The following CELF2 variants were observed in gnomAD, a reference collection of about 807,000 sequenced individuals.
CELF2 encodes the protein CUG triplet repeat RNA-binding protein 2.
A neutral mutation model predicts 62.6 loss-of-function variants in CELF2; 8 were observed. The observed-to-expected ratio is 0.13, with a 90% CI of 0.07 to 0.23. The LOEUF (loss-of-function observed/expected upper bound fraction) is 0.23, where lower values mean the gene tolerates loss of function less well. CELF2 is among the 10% of genes least tolerant of loss of function. The pLI is 1.00. For synonymous variants in CELF2, 258 were observed against 250.0 expected, an observed-to-expected ratio of 1.03 and a Z score of -0.30; for missense variants, 333 against 671.0, an observed-to-expected ratio of 0.50 and a Z score of 5.56.
the CELF2 span, among the ~76,000 whole-genome samples, chr10:10,528,065 C>A: frequency 6.6e-6 from 1 of 152,204 alleles, no homozygotes; most frequent in Non-Finnish European, 1.5e-5. Flanking sequence ...AGATGTCTAA[C>A]TCATCCTGCA....
At chr10:11,229,477 G>T (rs762047137) in intron 3 of CELF2, among the ~76,000 whole-genome samples, 4 of 152,168 alleles carry the variant, frequency 2.6e-5, no homozygotes, top group Non-Finnish European at 4.4e-5. Context: ...TAAAACCGGG[G>T]CAGTGATTCT....
chr10:11,026,894 C>T lies in CELF2; in HGVS notation c.74+8731C>T, dbSNP rs149123520. Among the ~76,000 whole-genome samples the T allele has an allele frequency of 2.3e-3, 354 of 152,240 alleles. 2 individuals are homozygous for T. The highest frequency in any genetic ancestry group is 3.5e-3 in the Non-Finnish European group (237 of 68,018). On this transcript the variant is annotated intron_variant, in intron 1 of 12. Coordinates refer to ENST00000633077, the MANE Select transcript of CELF2 (RefSeq NM_001326342.2). ...TGCGCATTGAACTGTATTTTGACTT[C>T]CTACATTATAGGAGGAGTGTTGAGT...
the CELF2 span, among the ~76,000 whole-genome samples, chr10:10,564,100 C>T: frequency 6.6e-6 from 1 of 152,222 alleles, no homozygotes; most frequent in East Asian, 1.9e-4. Context: ...CCATCCTTTG[C>T]TCGCTACCTT....
At chr10:11,146,469 T>C (rs2062299980) in intron 1 of CELF2, among the ~76,000 whole-genome samples, 1 of 152,238 alleles carries the variant, frequency 6.6e-6, no homozygotes, top group Non-Finnish European at 1.5e-5. Flanking sequence ...ATCTTTGTTA[T>C]CATCTAAACA....
the CELF2 span, among the ~76,000 whole-genome samples, chr10:10,628,949 C>A: frequency 6.6e-6 from 1 of 152,160 alleles, no homozygotes; most frequent in Non-Finnish European, 1.5e-5. Context: ...GGGGTACTTT[C>A]TAATTTTAAC....
chr10:10,794,291 T>G (rs1484413547), upstream of CELF2, among the ~76,000 whole-genome samples: 1 of 151,964 alleles, frequency 6.6e-6, no homozygotes, highest in African/African-American at 2.4e-5. Flanking sequence ...CATTTCACCT[T>G]CTTAAGAGGA....
At position 10,983,872 on chromosome 10, in the gene CELF2, C is replaced by A. The variant is rs545396654; in HGVS notation, c.89+63873C>A. Among the ~76,000 whole-genome samples, 1 of 152,266 alleles carries A rather than the reference C, an allele frequency of 6.6e-6. No individual in the cohort carries two copies. Among genetic ancestry groups the A allele is most frequent in the East Asian group, 1.9e-4 (1 of 5,176 alleles). On this transcript the variant is annotated intron_variant, in intron 2 of 13. Coordinates refer to the CELF2 transcript ENST00000636488. The surrounding 1 kb of genome is among the most constrained non-coding windows in gnomAD (Gnocchi z 5.2). ...GAGCTACCACGCCTGGCCGATATAT[C>A]TGTTATTAATGTAGGTTTTGAAGCT...
the CELF2 span, among the ~76,000 whole-genome samples, chr10:10,770,849 C>T: frequency 4.6e-5 from 7 of 152,188 alleles, no homozygotes; most frequent in African/African-American, 1.7e-4. Flanking sequence ...AAAATAGACT[C>T]CTAATGATAA....
chr10:10,765,909 A>G, the CELF2 span, among the ~76,000 whole-genome samples: 1 of 152,244 alleles, frequency 6.6e-6, no homozygotes, highest in East Asian at 1.9e-4. Flanking sequence ...TCCCAGGCAC[A>G]AGCGCACTGG....
At chr10:11,278,394 AAAACTT>A (rs2086928113) in intron 8 of CELF2, among the ~76,000 whole-genome samples, 1 of 152,182 alleles carries the variant, frequency 6.6e-6, no homozygotes. Context: ...TTTCCCTCTT[AAAACTT>A]CTAATGAAAA....
chr10:10,945,833 G>A (rs755062897), intron 2 of CELF2, among the ~76,000 whole-genome samples: 1 of 152,222 alleles, frequency 6.6e-6, no homozygotes, highest in African/African-American at 2.4e-5. Flanking sequence ...TGTTAATGAT[G>A]TTGACAAATT....
the CELF2 span, among the ~76,000 whole-genome samples, chr10:10,667,874 C>G: frequency 3.3e-5 from 5 of 152,160 alleles, no homozygotes; most frequent in African/African-American, 1.2e-4. Flanking sequence ...AGCTTTTTAC[C>G]ATGCAAACAA....
rs569875922 is a variant in CELF2 at position 11,300,263 on chromosome 10, G to A, written c.976+11711G>A. The stretch of plus-strand genomic sequence containing the variant: ...CCCCGCCTTCCACATGTGTGCCACC[G>A]TACAATAAAGCCTCAGCAGTCGTTC... On this transcript the variant is annotated intron_variant, in intron 9 of 12. Transcript: ENST00000633077. This position sits in a 1 kb window ranked among gnomAD's most constrained non-coding sequence, Gnocchi z 5.5. Among the ~76,000 whole-genome samples, 11 of 152,284 alleles carry A rather than the reference G, an allele frequency of 7.2e-5. No individual in the cohort carries two copies. Among genetic ancestry groups the A allele is most frequent in the African/African-American group, 1.9e-4 (8 of 41,554 alleles).
intron 2 of CELF2, among the ~76,000 whole-genome samples, chr10:11,208,755 G>A (rs573284309): frequency 2.0e-5 from 3 of 152,186 alleles, no homozygotes; most frequent in Non-Finnish European, 4.4e-5. Context: ...CTATGAGGAA[G>A]AGAGGGATTC....
At chr10:10,805,150 GT>G (rs1290265103) in intron 1 of CELF2, among the ~76,000 whole-genome samples, 1 of 152,198 alleles carries the variant, frequency 6.6e-6, no homozygotes, top group Non-Finnish European at 1.5e-5. Context: ...GTAGGTAGTG[GT>G]TCTTTTGCTC....
intron 4 of CELF2, among the ~76,000 whole-genome samples, chr10:11,256,641 C>T (rs1413358904): frequency 7.1e-6 from 1 of 139,880 alleles, no homozygotes; most frequent in Admixed American, 7.2e-5. Flanking sequence ...CAGGACTTCT[C>T]CCCGTGGGTG....
chr10:11,231,553 G>A (rs904110512), intron 3 of CELF2, among the ~76,000 whole-genome samples: 1 of 151,946 alleles, frequency 6.6e-6, no homozygotes, highest in Non-Finnish European at 1.5e-5. Context: ...TATGTGGGCT[G>A]GAAGATAAAA....
At chr10:10,676,353 G>A in the CELF2 span, among the ~76,000 whole-genome samples, 5,486 of 152,226 alleles carry the variant, frequency 0.036, 258 homozygotes, top group East Asian at 0.27. Context: ...CTTCTCCTGG[G>A]TCAGTGGCGC....
At chr10:10,869,299 C>A (rs948496216) in intron 1 of CELF2, among the ~76,000 whole-genome samples, 1 of 152,156 alleles carries the variant, frequency 6.6e-6, no homozygotes, top group Non-Finnish European at 1.5e-5. Context: ...CGCGGTGGCT[C>A]ACATCTGTAA....
Sources: gnomAD v4.1 joint callset for allele counts (sites outside exome capture counted in the v4.1 genomes callset) on GRCh38, gnomAD v4.1.1 for gene constraint, Gnocchi (gnomAD v3.1) non-coding constraint, MANE v1.5 for transcripts, NCBI Gene and HGNC (gene_info 2026-07-23, HGNC 2026-07-21) for gene names.